CBFA2T2: variants seen among roughly 807,000 people sequenced by gnomAD.
CBFA2T2 encodes the protein CBFA2/RUNX1 partner transcriptional co-repressor 2.
Under a neutral mutation model 62.2 loss-of-function variants are expected in CBFA2T2, and 11 were observed. The ratio of observed to expected loss-of-function variants is 0.18; its 90% confidence interval spans 0.11 to 0.29. The LOEUF is 0.29. Among genes scored for constraint, CBFA2T2 ranks in the 10% least tolerant of loss-of-function variants. CBFA2T2 has a pLI of 1.00. For synonymous variants in CBFA2T2, 295 were observed against 287.5 expected (o/e 1.03, Z -0.27); for missense variants, 592 against 774.1 (o/e 0.76, Z 2.79).
At chr20:33,616,135 G>GATA (rs2015705546) in intron 3 of CBFA2T2, among the ~76,000 whole-genome samples, 1 of 142,290 alleles carries the variant, frequency 7.0e-6, no homozygotes, top group African/African-American at 2.6e-5. Context: ...ATAGATAGAT[G>GATA]ACAGAGCAAT....
rs570951065 is a variant in CBFA2T2 at position 33,644,260 on chromosome 20, A to G, written c.1489-87A>G. The stretch of plus-strand genomic sequence containing the variant: ...GTTCCAAAGCTGGGGTTCTCTACAT[A>G]CAGCCCCTTGCTTTACTGTGCAGGG... On this transcript the variant is annotated intron_variant, in intron 10 of 10. Transcript: ENST00000342704. 3.4e-6 allele frequency: 5 copies of G among 1,472,062 alleles called. No homozygotes were observed. The Admixed American group carries it at 9.4e-5, about 28-fold the overall frequency. 91.2% of individuals were successfully genotyped at this position (1,472,062 alleles called of 1,614,324 possible).
intron 1 of CBFA2T2, among the ~76,000 whole-genome samples, chr20:33,580,433 C>G (rs1263109708): frequency 6.6e-6 from 1 of 152,204 alleles, no homozygotes; most frequent in East Asian, 1.9e-4. Context: ...CAGAGGCTTA[C>G]AACCTAAGAG....
intron 5 of CBFA2T2, among the ~76,000 whole-genome samples, chr20:33,623,540 G>C (rs537300030): frequency 6.6e-6 from 1 of 151,782 alleles, no homozygotes; most frequent in Non-Finnish European, 1.5e-5. Context: ...TTACAGGCAC[G>C]TGCCACCATG....
rs1178835107 is a variant in CBFA2T2 at position 33,645,565 on chromosome 20, C to G, written c.*919C>G. ...CATCTTGTTCTGTGTCCTTTTATCTCTCAGACCACACACATCTGGAACGCT... is the reference window on the plus strand; with the variant it reads ...CATCTTGTTCTGTGTCCTTTTATCTGTCAGACCACACACATCTGGAACGCT... On this transcript the variant is annotated 3_prime_UTR_variant, in exon 11 of 11. Coordinates refer to ENST00000342704, the MANE Select transcript of CBFA2T2 (RefSeq NM_001032999.3). The G allele has an allele frequency of 6.6e-6, 1 of 152,186 alleles. No individual in the cohort carries two copies. Among genetic ancestry groups the G allele is most frequent in the Non-Finnish European group, 1.5e-5 (1 of 68,034 alleles). 9.4% of individuals were successfully genotyped at this position (152,186 alleles called of 1,614,324 possible). A position where few individuals can be genotyped will look rare whatever the true frequency, so the allele number is the denominator to read the frequency against.
In CBFA2T2 at chr20:33,499,968, T is replaced by C. The variant is rs550127570; in HGVS notation, c.34+9667T>C. Among the ~76,000 whole-genome samples, 122 of 152,228 alleles carry C rather than the reference T, an allele frequency of 8.0e-4. 1 individual carries two copies. The highest frequency in any genetic ancestry group is 2.8e-3 in the African/African-American group (117 of 41,528). ...TGTCCAAACACCCATTTATTTTTTA[T>C]TTTTTATTTTTTTTAAAGACAGTCT... On this transcript the variant is annotated intron_variant, in intron 1 of 10. Transcript: ENST00000342704.
chr20:33,564,367 A>G (rs534989175), intron 1 of CBFA2T2, among the ~76,000 whole-genome samples: 4 of 149,812 alleles, frequency 2.7e-5, no homozygotes, highest in South Asian at 2.1e-4. Context: ...GGTTCAAGCT[A>G]TTCTGCCTCA....
chr20:33,531,268 CTG>C (rs934177188), intron 1 of CBFA2T2, among the ~76,000 whole-genome samples: 5 of 152,226 alleles, frequency 3.3e-5, no homozygotes, highest in Admixed American at 2.6e-4. Flanking sequence ...ATGAAGGAAA[CTG>C]TAAGCACATT....
At chr20:33,577,123 G>A (rs1323165192) in intron 1 of CBFA2T2, among the ~76,000 whole-genome samples, 1 of 152,202 alleles carries the variant, frequency 6.6e-6, no homozygotes, top group Non-Finnish European at 1.5e-5. Flanking sequence ...GGAAAACACA[G>A]TAGAGTACCT....
chr20:33,616,844 C>G (rs2015731138), intron 3 of CBFA2T2, among the ~76,000 whole-genome samples: 1 of 152,130 alleles, frequency 6.6e-6, no homozygotes, highest in South Asian at 2.1e-4. Context: ...TCTCAACGTT[C>G]TTCTCTCTGC....
chr20:33,642,610 A>G (rs545233088), intron 10 of CBFA2T2, among the ~76,000 whole-genome samples: 6 of 152,188 alleles, frequency 3.9e-5, no homozygotes, highest in African/African-American at 1.4e-4. Flanking sequence ...CTTTAAAAAA[A>G]AAAAGAAAAA....
chr20:33,571,912 A>G (rs888215876), intron 1 of CBFA2T2, among the ~76,000 whole-genome samples: 1 of 152,116 alleles, frequency 6.6e-6, no homozygotes, highest in Non-Finnish European at 1.5e-5. Context: ...GGTTTTTGAG[A>G]TGGAGTCTCG....
intron 1 of CBFA2T2, among the ~76,000 whole-genome samples, chr20:33,518,417 G>A (rs934063372): frequency 6.6e-6 from 1 of 152,050 alleles, no homozygotes; most frequent in African/African-American, 2.4e-5. Flanking sequence ...ATATTGGGGA[G>A]ATAATGAAGT....
At chr20:33,557,002 A>ATTT (rs2012917004) in intron 1 of CBFA2T2, among the ~76,000 whole-genome samples, 3 of 59,510 alleles carry the variant, frequency 5.0e-5, no homozygotes, top group Admixed American at 1.8e-4. Flanking sequence ...TTGCATGCTT[A>ATTT]TCTTTTTTTT....
chr20:33,509,082 C>G (rs2011457360), intron 1 of CBFA2T2, among the ~76,000 whole-genome samples: 1 of 152,078 alleles, frequency 6.6e-6, no homozygotes, highest in Admixed American at 6.6e-5. Flanking sequence ...ATATGTCAGA[C>G]TTGGCTGGGT....
intron 1 of CBFA2T2, among the ~76,000 whole-genome samples, chr20:33,517,317 T>C (rs1030895088): frequency 4.6e-5 from 7 of 152,314 alleles, no homozygotes; most frequent in African/African-American, 1.7e-4. Flanking sequence ...AAGCTTCAGG[T>C]AGATCAAGCT....
At chr20:33,503,090 CAAAAAAAA>C (rs35577702) in intron 1 of CBFA2T2, among the ~76,000 whole-genome samples, 2 of 52,826 alleles carry the variant, frequency 3.8e-5, no homozygotes, top group African/African-American at 7.8e-5. Flanking sequence ...GACTCTGTCT[CAAAAAAAA>C]AAAAAAAAAA....
intron 1 of CBFA2T2, among the ~76,000 whole-genome samples, chr20:33,507,076 G>A (rs6088242): frequency 1.3e-5 from 2 of 152,088 alleles, no homozygotes; most frequent in East Asian, 3.8e-4. Flanking sequence ...ATTTATTTAA[G>A]GGCCTGATAT....
intron 1 of CBFA2T2, among the ~76,000 whole-genome samples, chr20:33,492,282 G>A (rs1160771180): frequency 1.3e-5 from 2 of 151,938 alleles, no homozygotes; most frequent in Admixed American, 6.6e-5. Context: ...GCCTCCCAAA[G>A]TGCTGGGATT....
chr20:33,599,301 A>C (rs1205533118), intron 1 of CBFA2T2, among the ~76,000 whole-genome samples: 1 of 151,992 alleles, frequency 6.6e-6, no homozygotes, highest in East Asian at 1.9e-4. Context: ...CATTTTTGTG[A>C]ATAAAGATTG....
Sources: gnomAD v4.1 joint callset for allele counts (sites outside exome capture counted in the v4.1 genomes callset) on GRCh38, gnomAD v4.1.1 for gene constraint, MANE v1.5 for transcripts, NCBI Gene and HGNC (gene_info 2026-07-23, HGNC 2026-07-21) for gene names.